Variants in ADAM20 observed in about 807,000 individuals in gnomAD.
The protein encoded by ADAM20 is ADAM metallopeptidase domain 20.
For synonymous variants in ADAM20, 305 were observed against 310.2 expected (o/e 0.98, Z 0.18); for missense variants, 871 against 883.2 (o/e 0.99, Z 0.18).
chr14:70,571,088 C>T, the ADAM20 span, among the ~76,000 whole-genome samples: 8,798 of 152,190 alleles, frequency 0.058, 317 homozygotes, highest in African/African-American at 0.099. Flanking sequence ...AACTGGACAT[C>T]GAAGGAACAT....
chr14:70,562,455 G>A, the ADAM20 span, among the ~76,000 whole-genome samples: 1 of 152,216 alleles, frequency 6.6e-6, no homozygotes, highest in Non-Finnish European at 1.5e-5. Context: ...TTAAAGCTGG[G>A]AGACTGTTGA....
At chr14:70,535,604 A>C (rs1459761572), upstream of ADAM20, among the ~76,000 whole-genome samples, 1 of 152,150 alleles carries the variant, frequency 6.6e-6, no homozygotes, top group Non-Finnish European at 1.5e-5. Context: ...TTATCCTGAA[A>C]ACGGATGCCT....
intron 1 of ADAM20, among the ~76,000 whole-genome samples, chr14:70,532,104 A>G (rs994891485): frequency 6.6e-6 from 1 of 152,196 alleles, no homozygotes; most frequent in African/African-American, 2.4e-5. Flanking sequence ...AATATATTAT[A>G]AATATACAGT....
upstream of ADAM20, among the ~76,000 whole-genome samples, chr14:70,539,031 G>A (rs77314455): frequency 6.7e-6 from 1 of 149,748 alleles, no homozygotes; most frequent in South Asian, 2.2e-4. Flanking sequence ...AATACAAAAT[G>A]GCATGCAGGA....
chr14:70,539,553 C>T (rs1319023886), upstream of ADAM20, among the ~76,000 whole-genome samples: 1 of 152,216 alleles, frequency 6.6e-6, no homozygotes, highest in Non-Finnish European at 1.5e-5. Flanking sequence ...AATTTGTGGT[C>T]TAACTGGTTG....
the ADAM20 span, among the ~76,000 whole-genome samples, chr14:70,566,062 G>A: frequency 6.6e-5 from 10 of 152,040 alleles, no homozygotes; most frequent in East Asian, 3.8e-4. Flanking sequence ...TATGAAAAAC[G>A]CTACATGAAG....
chr14:70,525,511 C>T (rs1883571407), intron 1 of ADAM20, among the ~76,000 whole-genome samples: 1 of 152,136 alleles, frequency 6.6e-6, no homozygotes, highest in African/African-American at 2.4e-5. Context: ...CATGAGCTGT[C>T]ATACCGAGCA....
At chr14:70,541,108 G>C in the ADAM20 span, among the ~76,000 whole-genome samples, 1 of 152,110 alleles carries the variant, frequency 6.6e-6, no homozygotes, top group Non-Finnish European at 1.5e-5. Context: ...AATCTTATAT[G>C]GTAAATTCTT....
At chr14:70,543,315 T>C in the ADAM20 span, among the ~76,000 whole-genome samples, 2 of 152,224 alleles carry the variant, frequency 1.3e-5, no homozygotes, top group East Asian at 3.8e-4. Context: ...TAGGACTATA[T>C]ACTGTAGCAC....
chr14:70,524,487 T>A lies in ADAM20; in HGVS notation c.271A>T (p.Thr91Ser), dbSNP rs1883539949. 2 of 1,613,928 alleles carry A rather than the reference T, an allele frequency of 1.2e-6. No individual in the cohort carries two copies. Among genetic ancestry groups the A allele is most frequent in the East Asian group, 4.5e-5 (2 of 44,870 alleles). ...LLFAAHLPVF[T>S]YTEQHALLQD... ...AGCAGGGCATGCTGCTCTGTGTAGG[T>A]GAACACAGGAAGGTGTGCAGCAAAC... is the stretch of plus-strand genomic sequence containing the variant. Residue 91 changes from threonine (T) to serine (S), a missense_variant, in exon 2 of 2, where the codon ACC becomes TCC. Transcript: ENST00000256389.
At position 70,523,155 on chromosome 14, in the gene ADAM20, T is replaced by C. The variant is rs773603494; in HGVS notation, c.1603A>G (p.Asn535Asp). Residue 535 changes from asparagine (N) to aspartate (D), a missense_variant, in exon 2 of 2, where the codon AAC becomes GAC. Asn to Asp is a conservative substitution (Grantham distance 23). Coordinates refer to ENST00000256389, the MANE Select transcript of ADAM20 (RefSeq NM_003814.5). ...SASQSCYQEI[N>D]TQGNRFGHCG... ...TGACCGAAACGGTTTCCTTGGGTGT[T>C]GATTTCTTGGTAGCAACTCTGAGAT... The C allele has an allele frequency of 1.2e-6, 2 of 1,614,062 alleles. No homozygotes were observed. Among genetic ancestry groups the C allele is most frequent in the Non-Finnish European group, 1.7e-6 (2 of 1,179,946 alleles).
chr14:70,563,129 T>C, the ADAM20 span, among the ~76,000 whole-genome samples: 1 of 152,154 alleles, frequency 6.6e-6, no homozygotes, highest in Non-Finnish European at 1.5e-5. Context: ...TGTCACTGCT[T>C]GAGTCACATG....
intron 1 of ADAM20, among the ~76,000 whole-genome samples, chr14:70,531,922 A>G (rs974716451): frequency 1.3e-5 from 2 of 152,122 alleles, no homozygotes; most frequent in African/African-American, 4.8e-5. Flanking sequence ...TGTCCACACT[A>G]TCCAAAGCAA....
chr14:70,568,782 A>C, the ADAM20 span, among the ~76,000 whole-genome samples: 1 of 152,152 alleles, frequency 6.6e-6, no homozygotes, highest in Non-Finnish European at 1.5e-5. Flanking sequence ...GAATTTCAGA[A>C]CTTGAAGGCT....
chr14:70,543,078 A>G, the ADAM20 span, among the ~76,000 whole-genome samples: 3 of 152,222 alleles, frequency 2.0e-5, no homozygotes, highest in African/African-American at 7.2e-5. Flanking sequence ...AAAGAAAATT[A>G]TGTTTCAAAA....
chr14:70,525,672 C>G (rs1883574581), intron 1 of ADAM20, among the ~76,000 whole-genome samples: 1 of 152,156 alleles, frequency 6.6e-6, no homozygotes, highest in Admixed American at 6.6e-5. Flanking sequence ...TGCTCCATCT[C>G]CCCTCTTCTA....
chr14:70,576,783 C>T, the ADAM20 span, among the ~76,000 whole-genome samples: 1 of 152,050 alleles, frequency 6.6e-6, no homozygotes, highest in South Asian at 2.1e-4. Context: ...ATTAGCAGTG[C>T]CCTGTGTTAA....
chr14:70,565,921 A>G, the ADAM20 span, among the ~76,000 whole-genome samples: 1 of 151,718 alleles, frequency 6.6e-6, no homozygotes. Context: ...TACATATTTA[A>G]AGTGCTGAAA....
At chr14:70,564,658 G>C in the ADAM20 span, among the ~76,000 whole-genome samples, 1,403 of 149,290 alleles carry the variant, frequency 9.4e-3, 26 homozygotes, top group African/African-American at 0.032. Flanking sequence ...AGATAAAAGA[G>C]AATGTTGATA....
Sources: allele counts gnomAD v4.1 joint callset (sites outside exome capture counted in the v4.1 genomes callset), GRCh38; gene constraint gnomAD v4.1.1; transcripts MANE v1.5; gene names NCBI Gene and HGNC (gene_info 2026-07-23, HGNC 2026-07-21).